Variants in DYNC2H1 observed in about 807,000 individuals in gnomAD.
DYNC2H1 encodes dynein cytoplasmic 2 heavy chain 1.
Under a neutral mutation model 570.0 loss-of-function variants are expected in DYNC2H1, and 410 were observed. The ratio of observed to expected loss-of-function variants is 0.72; its 90% CI spans 0.66 to 0.78. The LOEUF is 0.78. Among genes scored for constraint, DYNC2H1 ranks in the 30% least tolerant of loss-of-function variants. The pLI, the probability that DYNC2H1 is intolerant of heterozygous loss-of-function variation, is 0.00. For missense variants in DYNC2H1, 4,865 were observed against 5,046.4 expected, an observed-to-expected ratio of 0.96 and a Z score of 1.09; for synonymous variants, 1,688 against 1,677.6, an observed-to-expected ratio of 1.01 and a Z score of -0.15.
intron 85 of DYNC2H1, among the ~76,000 whole-genome samples, chr11:103,451,067 T>C (rs1944580431): frequency 6.6e-6 from 1 of 152,150 alleles, no homozygotes. Flanking sequence ...GCTAATTTCC[T>C]AAACATTTTC....
intron 83 of DYNC2H1, among the ~76,000 whole-genome samples, chr11:103,375,827 A>G (rs563488953): frequency 6.6e-6 from 1 of 152,176 alleles, no homozygotes; most frequent in Admixed American, 6.5e-5. Flanking sequence ...TTGGTCTTGG[A>G]CTTTTGGGTA....
rs1209330473 is a variant in DYNC2H1 at position 103,362,321 on chromosome 11, TTTTTTTTTTTTC to T, written c.12156+3974_12156+3985del. 4.9e-3 allele frequency among the ~76,000 whole-genome samples: 343 copies of T among 70,698 alleles called. 5 individuals carry two copies. Among genetic ancestry groups the T allele is most frequent in the African/African-American group, 0.016 (312 of 19,464 alleles). 46.4% of individuals were successfully genotyped at this position (70,698 alleles called of 152,430 possible). Reference sequence around the variant, plus strand: ...CTTCTTAAATATATTAATTTTTTTCTTTTTTTTTTTTCTTTTTTTTTTTTTTTTAGCTATAGG... The same window carrying T: ...CTTCTTAAATATATTAATTTTTTTCTTTTTTTTTTTTTTTTTAGCTATAGG... On this transcript the variant is annotated intron_variant, in intron 83 of 88. Coordinates refer to ENST00000375735, the MANE Select transcript of DYNC2H1 (RefSeq NM_001377.3).
At chr11:103,371,854 T>G (rs1421247416) in intron 83 of DYNC2H1, among the ~76,000 whole-genome samples, 1 of 151,594 alleles carries the variant, frequency 6.6e-6, no homozygotes, top group Non-Finnish European at 1.5e-5. Context: ...TGGTGGAGTC[T>G]TTAGAGTTTT....
At chr11:103,309,184 T>TTTTTTTTTTTTTTTTTTTTC (rs1867450852) in intron 78 of DYNC2H1, among the ~76,000 whole-genome samples, 1 of 121,724 alleles carries the variant, frequency 8.2e-6, no homozygotes, top group African/African-American at 2.9e-5. Flanking sequence ...TTTTTTTTTT[T>TTTTTTTTTTTTTTTTTTTTC]TTTTTTTTGA....
rs1861518898 is a variant in DYNC2H1, at chr11:103,170,363, A to G, written c.5151+73A>G. ...TAGATTAGTTTCTATTAGTATATGA[A>G]ATACTCTACTTAAAAATCACTACAT... On this transcript the variant is annotated intron_variant, in intron 33 of 88. Transcript: ENST00000375735. This position sits in a 1 kb window ranked among gnomAD's most constrained non-coding sequence, Gnocchi z 4.8. 1 of 1,323,034 alleles carries G rather than the reference A, an allele frequency of 7.6e-7. No individual in the cohort carries two copies. Among genetic ancestry groups the G allele is most frequent in the East Asian group, 2.7e-5 (1 of 37,546 alleles). The allele number at this position is 1,323,034 out of a possible 1,614,324, so 82.0% of individuals were successfully genotyped here.
intron 88 of DYNC2H1, among the ~76,000 whole-genome samples, chr11:103,478,195 C>T (rs1170335986): frequency 6.6e-6 from 1 of 152,086 alleles, no homozygotes; most frequent in African/African-American, 2.4e-5. Context: ...TCATTGATCA[C>T]CTTTGGAGTG....
intron 78 of DYNC2H1, among the ~76,000 whole-genome samples, chr11:103,311,498 A>G (rs1172258616): frequency 5.9e-5 from 9 of 152,140 alleles, no homozygotes; most frequent in Non-Finnish European, 1.2e-4. Flanking sequence ...AGCAACTAGT[A>G]AGGGAAAGCT....
At chr11:103,301,842 T>A (rs1867061020) in intron 75 of DYNC2H1, among the ~76,000 whole-genome samples, 1 of 152,002 alleles carries the variant, frequency 6.6e-6, no homozygotes, top group South Asian at 2.1e-4. Context: ...GATGTCCATA[T>A]CTGAGGTGCA....
At chr11:103,373,632 C>T (rs1941270163) in intron 83 of DYNC2H1, among the ~76,000 whole-genome samples, 1 of 152,174 alleles carries the variant, frequency 6.6e-6, no homozygotes, top group Non-Finnish European at 1.5e-5. Flanking sequence ...GAGAATGTTG[C>T]ATGTGCAGTT....
intron 87 of DYNC2H1, among the ~76,000 whole-genome samples, chr11:103,464,885 AAAT>A (rs1356482483): frequency 1.3e-5 from 2 of 152,214 alleles, no homozygotes; most frequent in Non-Finnish European, 2.9e-5. Context: ...CAAATTAACA[AAAT>A]AATTTTAGTG....
chr11:103,372,023 TGTCTTGTTC>T (rs1941180071), intron 83 of DYNC2H1, among the ~76,000 whole-genome samples: 2 of 135,118 alleles, frequency 1.5e-5, no homozygotes, highest in Admixed American at 8.3e-5. Flanking sequence ...TGGGCAACTT[TGTCTTGTTC>T]TTTTTTTTTT....
chr11:103,380,669 T>C (rs762667373), intron 83 of DYNC2H1, among the ~76,000 whole-genome samples: 32 of 152,134 alleles, frequency 2.1e-4, no homozygotes, highest in Non-Finnish European at 4.1e-4. Flanking sequence ...CAAGCAATCT[T>C]TCCAACCTCA....
In DYNC2H1 at chr11:103,328,263, A is replaced by C. The variant is rs374133930; in HGVS notation, c.12039+4273A>C. ...GTCTGTTTCACTGCTTATTTACTTGAGTACTTATTTTTTAATTACCATTTT... is the reference window on the plus strand; with the variant it reads ...GTCTGTTTCACTGCTTATTTACTTGCGTACTTATTTTTTAATTACCATTTT... On this transcript the variant is annotated intron_variant, in intron 82 of 88. Coordinates refer to ENST00000375735, the MANE Select transcript of DYNC2H1 (RefSeq NM_001377.3). Among the ~76,000 whole-genome samples, 150 of 152,194 alleles carry C rather than the reference A, an allele frequency of 9.9e-4. 4 individuals carry two copies. In the South Asian group the frequency reaches 0.03, roughly 31 times the overall value.
chr11:103,120,464 A>T lies in DYNC2H1; in HGVS notation c.1017A>T (p.Thr339=), dbSNP rs1175945121. Residue 339 remains threonine (T), a synonymous_variant, in exon 7 of 89, where the codon ACA becomes ACT. Coordinates refer to ENST00000375735, the MANE Select transcript of DYNC2H1 (RefSeq NM_001377.3). ...CATTTTAGGTCTTGGCTATTAGAAC[A>T]ATTCATGAGAAGTTTCTCTATTTTC... ...KRLEEVLAIR[T]IHEKFLYFLP... 6 of 1,611,014 alleles carry T rather than the reference A, an allele frequency of 3.7e-6. No homozygotes were observed. The South Asian group carries it at 6.6e-5, about 18-fold the overall frequency.
At chr11:103,125,892 T>G (rs1364797806) in intron 12 of DYNC2H1, among the ~76,000 whole-genome samples, 3 of 152,236 alleles carry the variant, frequency 2.0e-5, no homozygotes, top group Non-Finnish European at 4.4e-5. Flanking sequence ...CATGTCTCCA[T>G]GCATTGAAAT....
At position 103,154,567 on chromosome 11, in the gene DYNC2H1, G is replaced by A; in HGVS notation, c.3419G>A (p.Gly1140Glu). 4 of 1,602,698 alleles carry A rather than the reference G, an allele frequency of 2.5e-6. No homozygotes were observed. Among genetic ancestry groups the A allele is most frequent in the Non-Finnish European group, 3.4e-6 (4 of 1,174,632 alleles). The change falls in exon 23 of 89, where the codon GGA becomes GAA. Residue 1140 changes from glycine (G) to glutamate (E), a missense_variant. Coordinates refer to ENST00000375735, the MANE Select transcript of DYNC2H1 (RefSeq NM_001377.3). ...IWAFYEEFQQGFQEMANEDWI... is the reference protein window; with the variant it reads ...IWAFYEEFQQEFQEMANEDWI... ...GCCTTTTATGAAGAGTTTCAACAAG[G>A]ATTTCAGGAAATGGCCAATGAAGAC...
chr11:103,230,348 A>G (rs1591443896), intron 59 of DYNC2H1, among the ~76,000 whole-genome samples: 1 of 152,180 alleles, frequency 6.6e-6, no homozygotes, highest in Non-Finnish European at 1.5e-5. Context: ...GCGATCAAAT[A>G]TGGACTGGCC....
intron 55 of DYNC2H1, among the ~76,000 whole-genome samples, chr11:103,216,647 T>C (rs644367): frequency 0.93 from 141,830 of 152,134 alleles, 66,141 homozygotes; most frequent in African/African-American, 0.94. Context: ...TAAAAATTAG[T>C]TGAGTGTGGT....
At position 103,185,125 on chromosome 11, in the gene DYNC2H1, G is replaced by C. The variant is rs904378392; in HGVS notation, c.6633+74G>C. ...TAACTCTTAACTGCCAAAACACAAT[G>C]ATTTGTAACTGTAAGATATGGAACT... On this transcript the variant is annotated intron_variant, in intron 41 of 88. Transcript: ENST00000375735. This position sits in a 1 kb window ranked among gnomAD's most constrained non-coding sequence, Gnocchi z 4.5. 1 of 1,371,542 alleles carries C rather than the reference G, an allele frequency of 7.3e-7. No homozygotes were observed. The highest frequency in any genetic ancestry group is 9.9e-7 in the Non-Finnish European group (1 of 1,007,912). The allele number at this position is 1,371,542 out of a possible 1,614,324, so 85.0% of individuals were successfully genotyped here.
Sources: gnomAD v4.1 joint callset for allele counts (sites outside exome capture counted in the v4.1 genomes callset) on GRCh38, gnomAD v4.1.1 for gene constraint, Gnocchi (gnomAD v3.1) non-coding constraint, MANE v1.5 for transcripts, NCBI Gene and HGNC (gene_info 2026-07-23, HGNC 2026-07-21) for gene names.